Variants in MMP13 observed in about 807,000 individuals in gnomAD.
MMP13 encodes the protein collagenase 3.
A neutral mutation model predicts 52.1 loss-of-function variants in MMP13; 45 were observed. The observed-to-expected ratio is 0.86, with a 90% confidence interval of 0.68 to 1.11. The LOEUF (loss-of-function observed/expected upper bound fraction) is 1.11. Ranked by LOEUF, MMP13 falls within the 50% of genes least tolerant of loss-of-function variation. The pLI, the probability that MMP13 is intolerant of heterozygous loss-of-function variation, is 0.00. For synonymous variants in MMP13, 200 were observed against 204.4 expected, an observed-to-expected ratio of 0.98 and a Z score of 0.18; for missense variants, 576 against 583.8, an observed-to-expected ratio of 0.99 and a Z score of 0.14.
rs927738899 is a variant in MMP13 at position 102,955,101 on chromosome 11, A to G, written c.362+151T>C. On this transcript the variant is annotated intron_variant, in intron 2 of 9. Transcript: ENST00000260302. This position sits in a 1 kb window ranked among gnomAD's most constrained non-coding sequence, Gnocchi z 4.9. ...AAAATAATGCTGAGTTAATGTAACA[A>G]TAATAGATGTTATGAGGTATTCTCG... is the stretch of plus-strand genomic sequence containing the variant. 3 of 805,236 alleles carry G rather than the reference A, an allele frequency of 3.7e-6. No individual in the cohort carries two copies. Among genetic ancestry groups the G allele is most frequent in the Non-Finnish European group, 5.9e-6 (3 of 506,892 alleles). The allele number at this position is 805,236 out of a possible 1,614,324, so 49.9% of individuals were successfully genotyped here. A position where few individuals can be genotyped will look rare whatever the true frequency, so the allele number is the denominator to read the frequency against.
At chr11:102,945,376 G>T in intron 9 of MMP13, 1 of 903,690 alleles carries the variant, frequency 1.1e-6, no homozygotes. Flanking sequence ...CTTGCATTTT[G>T]GCATCTTTAA....
chr11:102,944,204 A>G lies in MMP13; in HGVS notation c.*62T>C, dbSNP rs1291977743. On this transcript the variant is annotated 3_prime_UTR_variant, in exon 10 of 10. Transcript: ENST00000260302. ...GATAGCTCTTCTTCCCCTACCCCGCACTTCTGGAAGTATTACCCCAAATGC... is the reference window on the plus strand; with the variant it reads ...GATAGCTCTTCTTCCCCTACCCCGCGCTTCTGGAAGTATTACCCCAAATGC... 8.0e-7 allele frequency: 1 copy of G among 1,249,198 alleles called. No individual in the cohort carries two copies. Among genetic ancestry groups the G allele is most frequent in the African/African-American group, 1.5e-5 (1 of 67,658 alleles). The allele number at this position is 1,249,198 out of a possible 1,614,324, so 77.4% of individuals were successfully genotyped here.
rs71066125 is a variant in MMP13 at position 102,947,667 on chromosome 11, T to TTGTGTGTG, written c.1211+216_1211+223dup. Among the ~76,000 whole-genome samples the TTGTGTGTG allele has an allele frequency of 0.076, 10,962 of 144,768 alleles. 482 individuals carry two copies. Among genetic ancestry groups the TTGTGTGTG allele is most frequent in the East Asian group, 0.13 (632 of 4,828 alleles). 95.0% of individuals were successfully genotyped at this position (144,768 alleles called of 152,430 possible). On this transcript the variant is annotated intron_variant, in intron 8 of 9. Transcript: ENST00000260302. ...GTTTGAGAAGAGGAATGTTTGAGTA[T>TTGTGTGTG]TGTGTGTGTGTGTGTGTGTGTGTGT...
In MMP13 at chr11:102,952,274, A is replaced by G. The variant is rs984605068; in HGVS notation, c.638-101T>C. On this transcript the variant is annotated intron_variant, in intron 4 of 9. Coordinates refer to ENST00000260302, the MANE Select transcript of MMP13 (RefSeq NM_002427.4). The surrounding 1 kb of genome is among the most constrained non-coding windows in gnomAD (Gnocchi z 4.3). ...TATCTGGTATGTTTCTTTCTTGGCT[A>G]TATACTTTCTTTTCTCTTTCTTCAG... 4.0e-5 allele frequency: 54 copies of G among 1,343,560 alleles called. No individual in the cohort carries two copies. The Admixed American group carries it at 9.6e-4, about 24-fold the overall frequency. The allele number at this position is 1,343,560 out of a possible 1,614,324, so 83.2% of individuals were successfully genotyped here.
rs1327841366 is a variant in MMP13 at position 102,952,239 on chromosome 11, TCA to T, written c.638-68_638-67del. ...CAGTGACCAGGTAATGAAAGGAATA[TCA>T]TTTTATCTATCTGGTATGTTTCTTT... On this transcript the variant is annotated intron_variant, in intron 4 of 9. Coordinates refer to ENST00000260302, the MANE Select transcript of MMP13 (RefSeq NM_002427.4). The surrounding 1 kb of genome is among the most constrained non-coding windows in gnomAD (Gnocchi z 4.3). The T allele has an allele frequency of 5.4e-5, 77 of 1,413,160 alleles. 1 individual carries two copies. Among genetic ancestry groups the T allele is most frequent in the Admixed American group, 2.7e-4 (16 of 59,314 alleles). 87.5% of individuals were successfully genotyped at this position (1,413,160 alleles called of 1,614,324 possible).
intron 5 of MMP13, 118 bp downstream of exon 5, chr11:102,951,894 G>A: frequency 3.0e-6 from 3 of 1,009,940 alleles, no homozygotes; most frequent in African/African-American, 1.6e-5. Context: ...CCTTTGTCAT[G>A]CATGCGCTTC....
In MMP13 at chr11:102,944,106, C is replaced by T. The variant is rs17860583; in HGVS notation, c.*160G>A. The T allele has an allele frequency of 1.0e-3, 695 of 664,206 alleles. 2 individuals are homozygous for T. Among genetic ancestry groups the T allele is most frequent in the Middle Eastern group, 2.0e-3 (8 of 3,950 alleles). The allele number at this position is 664,206 out of a possible 1,614,324, so 41.1% of individuals were successfully genotyped here. On this transcript the variant is annotated 3_prime_UTR_variant, in exon 10 of 10. Transcript: ENST00000260302. ...ACATTCTTCAATGTGGTTCCAGCCA[C>T]GCATAGTCATATAGATACTACATAT...
rs773078430 is a variant in MMP13, at chr11:102,955,561, C to T, written c.120+25G>A. ...CATTTCTGAGATGTACCAACCGCAT[C>T]ATCAGGATTGGCAAGATACTCTACC... On this transcript the variant is annotated intron_variant, in intron 1 of 9. Coordinates refer to ENST00000260302, the MANE Select transcript of MMP13 (RefSeq NM_002427.4). This position sits in a 1 kb window ranked among gnomAD's most constrained non-coding sequence, Gnocchi z 4.9. 8.1e-6 allele frequency: 13 copies of T among 1,613,862 alleles called. No homozygotes were observed. The Middle Eastern group carries it at 8.2e-4, about 102-fold the overall frequency.
intron 7 of MMP13, 57 bp downstream of exon 7, chr11:102,948,968 C>G (rs1366695390): frequency 1.2e-6 from 2 of 1,606,368 alleles, no homozygotes; most frequent in African/African-American, 2.7e-5. Flanking sequence ...CTAGTGGCAT[C>G]AAATTCAGCA....
chr11:102,954,317 A>T, intron 3 of MMP13, 36 bp from the exon 4 acceptor site: 2 of 1,613,440 alleles, frequency 1.2e-6, no homozygotes, highest in Non-Finnish European at 1.7e-6. Context: ...GTCTTATCAC[A>T]TCCAGGAGTA....
At chr11:102,948,507 A>G (rs899247056) in intron 7 of MMP13, among the ~76,000 whole-genome samples, 10 of 152,190 alleles carry the variant, frequency 6.6e-5, no homozygotes, top group Admixed American at 1.3e-4. Context: ...GCAGGAAGTT[A>G]TGTAATCATT....
At chr11:102,945,819 A>T in intron 8 of MMP13, 70 bp from the exon 9 acceptor site, 1 of 775,664 alleles carries the variant, frequency 1.3e-6, no homozygotes, top group Non-Finnish European at 2.2e-6. Flanking sequence ...AATACAATAG[A>T]TACAATGGCA....
chr11:102,945,555 C>T (rs1257799462), intron 9 of MMP13, 91 bp downstream of exon 9: 1 of 834,046 alleles, frequency 1.2e-6, no homozygotes, highest in Non-Finnish European at 2.0e-6. Context: ...ATTAACACAT[C>T]TAGGTCCTAT....
chr11:102,948,373 T>C (rs2134516162), intron 7 of MMP13, among the ~76,000 whole-genome samples: 1 of 152,174 alleles, frequency 6.6e-6, no homozygotes, highest in Admixed American at 6.5e-5. Flanking sequence ...AACAACACAG[T>C]AGGAAGAGTA....
At chr11:102,954,877 G>T (rs1326452077) in intron 2 of MMP13, among the ~76,000 whole-genome samples, 1 of 152,098 alleles carries the variant, frequency 6.6e-6, no homozygotes, top group East Asian at 1.9e-4. Flanking sequence ...TATTTTGCAT[G>T]CTAAAAGTTT....
rs746948540 is a variant in MMP13 at position 102,952,368 on chromosome 11, A to C, written c.638-195T>G. 1.3e-5 allele frequency among the ~76,000 whole-genome samples: 2 copies of C among 152,170 alleles called. No individual in the cohort carries two copies. Among genetic ancestry groups the C allele is most frequent in the Non-Finnish European group, 2.9e-5 (2 of 68,018 alleles). On this transcript the variant is annotated intron_variant, in intron 4 of 9. Coordinates refer to ENST00000260302, the MANE Select transcript of MMP13 (RefSeq NM_002427.4). The surrounding 1 kb of genome is among the most constrained non-coding windows in gnomAD (Gnocchi z 4.3). Reference sequence around the variant, plus strand: ...TTCAAAGTATTGATTTAATCCTTATAAATAATTTAGTGTTCTTTTGATTAT... The same window carrying C: ...TTCAAAGTATTGATTTAATCCTTATCAATAATTTAGTGTTCTTTTGATTAT...
At chr11:102,945,357 G>T in intron 9 of MMP13, 2 of 980,686 alleles carry the variant, frequency 2.0e-6, no homozygotes, top group Non-Finnish European at 2.6e-6. Context: ...TTTGAATTCT[G>T]GCAATATCCT....
intron 5 of MMP13, among the ~76,000 whole-genome samples, chr11:102,951,621 A>G (rs782457013): frequency 6.6e-6 from 1 of 152,154 alleles, no homozygotes; most frequent in Non-Finnish European, 1.5e-5. Context: ...GTGTTGCTTA[A>G]CAACAGGGAT....
At position 102,947,572 on chromosome 11, in the gene MMP13, C is replaced by CAA. The variant is rs34219033; in HGVS notation, c.1211+317_1211+318dup. 7.8e-4 allele frequency among the ~76,000 whole-genome samples: 115 copies of CAA among 147,554 alleles called. No homozygotes were observed. The South Asian group carries it at 0.018, about 23-fold the overall frequency. On this transcript the variant is annotated intron_variant, in intron 8 of 9. Coordinates refer to ENST00000260302, the MANE Select transcript of MMP13 (RefSeq NM_002427.4). ...TGGATAACAGAGCAAGACTCAGTCT[C>CAA]AAAAAAAAAGAAAGAAAGAGGGGGT...
Sources: gnomAD v4.1 joint callset for allele counts (sites outside exome capture counted in the v4.1 genomes callset) on GRCh38, gnomAD v4.1.1 for gene constraint, Gnocchi (gnomAD v3.1) non-coding constraint, MANE v1.5 for transcripts, NCBI Gene and HGNC (gene_info 2026-07-23, HGNC 2026-07-21) for gene names.